SAMMSON: variants seen among roughly 807,000 people sequenced by gnomAD.
The protein encoded by SAMMSON is survival associated mitochondrial melanoma specific oncogenic non-coding RNA, also known as long intergenic non-protein coding RNA 1212.
intron 4 of SAMMSON, among the ~76,000 whole-genome samples, chr3:70,202,695 AC>A (rs886297770): frequency 6.6e-6 from 1 of 151,814 alleles, no homozygotes; most frequent in Non-Finnish European, 1.5e-5. Context: ...CATGACAAAA[AC>A]CCCTTTGGGC....
Position 70,293,410 on chromosome 3 carries a change from G to A in SAMMSON, n.739+2167G>A, listed in dbSNP as rs183616586. Among the ~76,000 whole-genome samples, 23 of 152,228 alleles carry A rather than the reference G, an allele frequency of 1.5e-4. 1 individual carries two copies. The highest frequency in any genetic ancestry group is 1.5e-3 in the Admixed American group (23 of 15,290). ...TGGGGATGAGAGCCAAGGATACTTT[G>A]TAATATCAGCAACAACAGAAATTAA... On this transcript the variant is annotated intron_variant and non_coding_transcript_variant, in intron 7 of 9. Coordinates refer to ENST00000642114, the Ensembl canonical transcript of SAMMSON.
chr3:70,257,827 A>AT (rs1701831012), intron 6 of SAMMSON, among the ~76,000 whole-genome samples: 1 of 152,220 alleles, frequency 6.6e-6, no homozygotes, highest in Non-Finnish European at 1.5e-5. Flanking sequence ...AGCCTTAACC[A>AT]TTTTGAAACA....
At chr3:70,301,958 G>C (rs1702352916) in intron 7 of SAMMSON, among the ~76,000 whole-genome samples, 1 of 152,086 alleles carries the variant, frequency 6.6e-6, no homozygotes, top group South Asian at 2.1e-4. Flanking sequence ...TAGAAATCAT[G>C]AAGCACTTTT....
chr3:70,303,030 A>G (rs1702365628), intron 7 of SAMMSON, among the ~76,000 whole-genome samples: 1 of 152,320 alleles, frequency 6.6e-6, no homozygotes, highest in East Asian at 1.9e-4. Flanking sequence ...CAGAGAATCA[A>G]AATGATTTTG....
chr3:70,274,638 C>G (rs9310187), intron 6 of SAMMSON, among the ~76,000 whole-genome samples: 2 of 151,918 alleles, frequency 1.3e-5, no homozygotes, highest in Admixed American at 1.3e-4. Flanking sequence ...GGGGATGGAG[C>G]GGTGGGGAGG....
chr3:70,131,548 G>A (rs140699958), intron 4 of SAMMSON, among the ~76,000 whole-genome samples: 1 of 152,044 alleles, frequency 6.6e-6, no homozygotes, highest in South Asian at 2.1e-4. Context: ...CTCCAATCAT[G>A]AACAGGAAGA....
chr3:70,275,150 T>C (rs1702010992), intron 6 of SAMMSON, among the ~76,000 whole-genome samples: 1 of 152,202 alleles, frequency 6.6e-6, no homozygotes, highest in Non-Finnish European at 1.5e-5. Context: ...AATATTAGAA[T>C]TTTAACTTAT....
chr3:70,119,977 A>G (rs1244305527), intron 4 of SAMMSON: 1 of 152,166 alleles, frequency 6.6e-6, no homozygotes, highest in Non-Finnish European at 1.5e-5. Flanking sequence ...AATTTCCTGC[A>G]TCAGATCTAG....
At chr3:70,366,237 G>A (rs544215285) in intron 9 of SAMMSON, among the ~76,000 whole-genome samples, 724 of 25,278 alleles carry the variant, frequency 0.029, 259 homozygotes, top group Non-Finnish European at 0.049. Flanking sequence ...TGATCCACCC[G>A]CCTCGGCCTC....
chr3:70,284,399 T>C (rs1461981674), intron 6 of SAMMSON, among the ~76,000 whole-genome samples: 1 of 152,098 alleles, frequency 6.6e-6, no homozygotes, highest in Non-Finnish European at 1.5e-5. Flanking sequence ...TTAAACTTTC[T>C]AAAAACAAAA....
chr3:70,329,492 C>T (rs541324428), intron 7 of SAMMSON, among the ~76,000 whole-genome samples: 17 of 151,896 alleles, frequency 1.1e-4, no homozygotes, highest in South Asian at 4.2e-4. Flanking sequence ...AGTAAGAATT[C>T]GTGCATGATT....
intron 2 of SAMMSON, among the ~76,000 whole-genome samples, chr3:70,409,382 AC>A (rs1234363144): frequency 6.6e-6 from 1 of 152,152 alleles, no homozygotes; most frequent in Non-Finnish European, 1.5e-5. Flanking sequence ...AAATAGAAAA[AC>A]TTATCACACA....
At chr3:70,235,623 C>T (rs1701599577) in intron 4 of SAMMSON, among the ~76,000 whole-genome samples, 1 of 152,150 alleles carries the variant, frequency 6.6e-6, no homozygotes, top group Non-Finnish European at 1.5e-5. Context: ...GGTTTTTCTC[C>T]TCTTTTAGAG....
intron 4 of SAMMSON, chr3:70,127,116 A>T (rs1184155272): frequency 6.6e-6 from 1 of 152,218 alleles, no homozygotes; most frequent in East Asian, 1.9e-4. Flanking sequence ...TTAAATTATG[A>T]CAAAGGCTGT....
intron 4 of SAMMSON, chr3:70,094,690 T>G (rs557585313): frequency 6.6e-6 from 1 of 152,332 alleles, no homozygotes; most frequent in East Asian, 1.9e-4. Flanking sequence ...ACTCCCTGGT[T>G]GGCTAAATGT....
chr3:70,204,092 G>A (rs1701268001), intron 4 of SAMMSON, among the ~76,000 whole-genome samples: 1 of 152,156 alleles, frequency 6.6e-6, no homozygotes, highest in Non-Finnish European at 1.5e-5. Context: ...AAATCTGCAT[G>A]TGTGAGGCTT....
intron 2 of SAMMSON, among the ~76,000 whole-genome samples, chr3:70,431,820 A>G (rs1575648167): frequency 6.6e-6 from 1 of 152,040 alleles, no homozygotes; most frequent in Non-Finnish European, 1.5e-5. Context: ...TGGATTTCAT[A>G]TAAATGGATC....
chr3:70,176,810 A>G (rs1011813186), intron 4 of SAMMSON, among the ~76,000 whole-genome samples: 1 of 152,212 alleles, frequency 6.6e-6, no homozygotes, highest in Non-Finnish European at 1.5e-5. Context: ...AAGAGTATAA[A>G]AAGATGATCA....
At chr3:70,139,466 G>C (rs1394835769) in intron 4 of SAMMSON, among the ~76,000 whole-genome samples, 1 of 152,170 alleles carries the variant, frequency 6.6e-6, no homozygotes, top group African/African-American at 2.4e-5. Flanking sequence ...CCATGGCCTT[G>C]CTGGGCATTG....
Sources: allele counts gnomAD v4.1 joint callset (sites outside exome capture counted in the v4.1 genomes callset), GRCh38; gene constraint gnomAD v4.1.1; transcripts MANE v1.5; gene names NCBI Gene and HGNC (gene_info 2026-07-23, HGNC 2026-07-21).